EXD3: variants seen among roughly 807,000 people sequenced by gnomAD.
The protein encoded by EXD3 is exonuclease 3'-5' domain containing 3.
In EXD3, 92 loss-of-function variants were observed where a neutral mutation model predicts 98.0. The ratio of observed to expected loss-of-function variants is 0.94; its 90% CI spans 0.79 to 1.12. The LOEUF (loss-of-function observed/expected upper bound fraction) is 1.12. Ranked by LOEUF, EXD3 falls within the 50% of genes most tolerant of loss-of-function variation. The probability of loss-of-function intolerance (pLI) is 0.00; values close to 1 mark genes in which losing one functional copy is unlikely to be tolerated. For synonymous variants in EXD3, 569 were observed against 526.0 expected, an observed-to-expected ratio of 1.08 and a Z score of -1.12; for missense variants, 1,222 against 1,191.6, an observed-to-expected ratio of 1.03 and a Z score of -0.38.
rs1263344392 is a variant in EXD3, at chr9:137,385,628, C to T, written c.56-2251G>A. ...TCGGCTCACTGCAACCTCCACCTCT[C>T]AGGTTCGTGATTCTCGTGCCTCAGC... is the stretch of plus-strand genomic sequence containing the variant. On this transcript the variant is annotated intron_variant, in intron 2 of 21. Coordinates refer to ENST00000340951, the MANE Select transcript of EXD3 (RefSeq NM_017820.5). This position sits in a 1 kb window ranked among gnomAD's most constrained non-coding sequence, Gnocchi z 4.4. Among the ~76,000 whole-genome samples the T allele has an allele frequency of 1.3e-5, 2 of 152,172 alleles. No individual in the cohort carries two copies. The highest frequency in any genetic ancestry group is 2.9e-5 in the Non-Finnish European group (2 of 68,038).
intron 10 of EXD3, chr9:137,353,864 G>A: frequency 2.0e-6 from 2 of 987,736 alleles, no homozygotes; most frequent in Non-Finnish European, 2.4e-6. Context: ...CCAGCAGCCT[G>A]AGGCTGCTTC....
At position 137,395,301 on chromosome 9, in the gene EXD3, A is replaced by C. The variant is rs758117586; in HGVS notation, c.55+2T>G. The C allele has an allele frequency of 3.7e-6, 6 of 1,612,512 alleles. No homozygotes were observed. In the African/African-American group the frequency reaches 8.0e-5, roughly 22 times the overall value. Reference sequence around the variant, plus strand: ...ACTCGGCACCATCAGGCTCAGACTCACCCATGCGGTGGCGCTCGCCAGCGG... The same window carrying C: ...ACTCGGCACCATCAGGCTCAGACTCCCCCATGCGGTGGCGCTCGCCAGCGG... On this transcript the variant is annotated splice_donor_variant, in intron 2 of 21. Transcript: ENST00000340951. LOFTEE classifies it high-confidence loss of function. This position sits in a 1 kb window ranked among gnomAD's most constrained non-coding sequence, Gnocchi z 6.5.
At position 137,355,521 on chromosome 9, in the gene EXD3, GGAGGATGGAGGAA is replaced by G. The variant is rs1834639289; in HGVS notation, c.757+734_757+746del. 1.1e-4 allele frequency among the ~76,000 whole-genome samples: 9 copies of G among 81,648 alleles called. No individual in the cohort carries two copies. The South Asian group carries it at 2.1e-3, about 19-fold the overall frequency. 53.6% of individuals were successfully genotyped at this position (81,648 alleles called of 152,430 possible). ...GGAAGGAGGAAGGAGGAAGGAGGAA[GGAGGATGGAGGAA>G]GGAGGAAGGAGGAAGGAGGAAGGAG... On this transcript the variant is annotated intron_variant, in intron 8 of 21. Coordinates refer to ENST00000340951, the MANE Select transcript of EXD3 (RefSeq NM_017820.5).
intron 1 of EXD3, among the ~76,000 whole-genome samples, chr9:137,398,462 A>G (rs1837315174): frequency 6.6e-6 from 1 of 152,194 alleles, no homozygotes; most frequent in African/African-American, 2.4e-5. Flanking sequence ...GCAAGGGAGG[A>G]GCACTGAGTA....
intron 10 of EXD3, chr9:137,353,602 A>G (rs1198543010): frequency 1.0e-6 from 1 of 985,880 alleles, no homozygotes; most frequent in Non-Finnish European, 1.2e-6. Flanking sequence ...CCCACCCCGC[A>G]GCCACCGTGG....
intron 17 of EXD3, among the ~76,000 whole-genome samples, chr9:137,342,847 C>T (rs1833716736): frequency 1.3e-5 from 2 of 152,204 alleles, no homozygotes; most frequent in Admixed American, 6.5e-5. Flanking sequence ...AACGGCCAGG[C>T]ACGGTGGCTC....
At chr9:137,390,662 C>T (rs965887414) in intron 2 of EXD3, among the ~76,000 whole-genome samples, 1 of 152,104 alleles carries the variant, frequency 6.6e-6, no homozygotes, top group Non-Finnish European at 1.5e-5. Context: ...TGTGGAAGGG[C>T]GTTTTCACGG....
chr9:137,327,585 A>G (rs1039087843), intron 17 of EXD3, among the ~76,000 whole-genome samples: 2 of 152,172 alleles, frequency 1.3e-5, no homozygotes, highest in Non-Finnish European at 2.9e-5. Context: ...ACAAAAAGAA[A>G]GAAAAAAAGG....
chr9:137,363,509 C>T (rs895880851), intron 7 of EXD3, among the ~76,000 whole-genome samples: 8 of 149,946 alleles, frequency 5.3e-5, no homozygotes, highest in Non-Finnish European at 8.9e-5. Flanking sequence ...GGCTAATTTT[C>T]GTATTTTTAG....
In EXD3 at chr9:137,407,076, C is replaced by T. The variant is rs1564215397; in HGVS notation, c.-47-11672G>A. Among the ~76,000 whole-genome samples the T allele has an allele frequency of 6.6e-6, 1 of 152,162 alleles. No homozygotes were observed. Among genetic ancestry groups the T allele is most frequent in the Non-Finnish European group, 1.5e-5 (1 of 68,014 alleles). ...CAAACCCGCCCGTTCACAGAGGCAC[C>T]GGAGCGGGCGGGCGGGGGCGGCCTG... On this transcript the variant is annotated intron_variant, in intron 1 of 21. Transcript: ENST00000340951. The surrounding 1 kb of genome is among the most constrained non-coding windows in gnomAD (Gnocchi z 4.4).
chr9:137,344,699 C>G (rs1833830131), intron 17 of EXD3, among the ~76,000 whole-genome samples: 1 of 152,234 alleles, frequency 6.6e-6, no homozygotes, highest in Non-Finnish European at 1.5e-5. Flanking sequence ...TAGTTCCTTT[C>G]TGTTTAAGAG....
At chr9:137,373,405 T>C in intron 4 of EXD3, 21 bp downstream of exon 4, 1 of 1,601,440 alleles carries the variant, frequency 6.2e-7, no homozygotes, top group Non-Finnish European at 8.5e-7. Context: ...GAGGTGACTG[T>C]CACAGAACCC....
chr9:137,309,275 GTGTGTGTGTGTC>G (rs1564458651), intron 20 of EXD3, among the ~76,000 whole-genome samples: 1 of 152,122 alleles, frequency 6.6e-6, no homozygotes, highest in Non-Finnish European at 1.5e-5. Context: ...GTAGGTGCAC[GTGTGTGTGTGTC>G]TGTGTGCACC....
chr9:137,332,558 T>A (rs530956443), intron 17 of EXD3, among the ~76,000 whole-genome samples: 3 of 141,018 alleles, frequency 2.1e-5, no homozygotes, highest in Non-Finnish European at 4.6e-5. Flanking sequence ...GGGTACATGG[T>A]ATTGGCCAGG....
intron 19 of EXD3, among the ~76,000 whole-genome samples, chr9:137,312,183 C>T (rs1047752905): frequency 6.6e-6 from 1 of 152,104 alleles, no homozygotes; most frequent in African/African-American, 2.4e-5. Context: ...GAGGTCAAGG[C>T]TGTGGGTCCA....
intron 17 of EXD3, among the ~76,000 whole-genome samples, chr9:137,339,085 C>T (rs1218474675): frequency 6.6e-6 from 1 of 151,906 alleles, no homozygotes. Flanking sequence ...GGACACATTC[C>T]AGAAAAATTA....
At position 137,383,399 on chromosome 9, in the gene EXD3, C is replaced by T. The variant is rs78607495; in HGVS notation, c.56-22G>A. 7.9e-5 allele frequency: 121 copies of T among 1,524,790 alleles called. 1 individual carries two copies. Among genetic ancestry groups the T allele is most frequent in the Middle Eastern group, 1.7e-4 (1 of 5,818 alleles). 94.5% of individuals were successfully genotyped at this position (1,524,790 alleles called of 1,614,324 possible). On this transcript the variant is annotated intron_variant, in intron 2 of 21. Coordinates refer to ENST00000340951, the MANE Select transcript of EXD3 (RefSeq NM_017820.5). The stretch of plus-strand genomic sequence containing the variant: ...CGGCCTGTGGAGATAAGATAACAGC[C>T]GTGGGAGGGAGAGGCAGGTGCAGGG...
chr9:137,315,990 T>C (rs1831629950), intron 19 of EXD3, among the ~76,000 whole-genome samples: 1 of 127,186 alleles, frequency 7.9e-6, no homozygotes. Context: ...CCCCCTCCCG[T>C]CTCTGAGCCT....
intron 17 of EXD3, among the ~76,000 whole-genome samples, chr9:137,325,812 G>T (rs1055020721): frequency 2.6e-5 from 4 of 152,156 alleles, no homozygotes; most frequent in African/African-American, 9.7e-5. Flanking sequence ...AGAAGAGGCT[G>T]GGCAAGGCGG....
Sources: allele counts gnomAD v4.1 joint callset (sites outside exome capture counted in the v4.1 genomes callset), GRCh38; gene constraint gnomAD v4.1.1; non-coding constraint Gnocchi (gnomAD v3.1); transcripts MANE v1.5; gene names NCBI Gene and HGNC (gene_info 2026-07-23, HGNC 2026-07-21).